Variants in FARP1 observed in about 807,000 individuals in gnomAD.
The protein encoded by FARP1 is FERM, ARH/RhoGEF and pleckstrin domain protein 1.
Under a neutral mutation model 128.8 loss-of-function variants are expected in FARP1, and 52 were observed. The ratio of observed to expected loss-of-function variants is 0.40; its 90% CI spans 0.32 to 0.51. FARP1 has a LOEUF of 0.51. FARP1 is among the 20% of genes least tolerant of loss of function. The pLI is 0.45. For synonymous variants in FARP1, 580 were observed against 551.8 expected, an observed-to-expected ratio of 1.05 and a Z score of -0.72; for missense variants, 1,333 against 1,367.9, an observed-to-expected ratio of 0.97 and a Z score of 0.40.
At chr13:98,274,565 A>G (rs191440782) in intron 2 of FARP1, among the ~76,000 whole-genome samples, 16 of 152,312 alleles carry the variant, frequency 1.1e-4, no homozygotes, top group East Asian at 5.8e-4. Flanking sequence ...GCTTTTAGGC[A>G]AACTCCTCCC....
At chr13:98,438,583 G>C (rs4772079) in intron 19 of FARP1, among the ~76,000 whole-genome samples, 46,548 of 152,060 alleles carry the variant, frequency 0.31, 8,265 homozygotes, top group East Asian at 0.43. Context: ...GCAGAGCAAT[G>C]GTGCAGTGAA....
chr13:98,249,984 T>C lies in FARP1; in HGVS notation c.171+36571T>C, dbSNP rs1340495403. Among the ~76,000 whole-genome samples the C allele has an allele frequency of 2.6e-5, 4 of 152,196 alleles. No homozygotes were observed. In the South Asian group the frequency reaches 8.3e-4, roughly 32 times the overall value. On this transcript the variant is annotated intron_variant, in intron 2 of 26. Transcript: ENST00000319562. ...TTGACCTGTTTTGAAAACCTAATTT[T>C]TAAGTTTTCAATCTTTTAAGCCTTG...
chr13:98,354,626 AT>A (rs971855514), intron 3 of FARP1, among the ~76,000 whole-genome samples: 1 of 152,194 alleles, frequency 6.6e-6, no homozygotes, highest in African/African-American at 2.4e-5. Flanking sequence ...ATATACACTA[AT>A]TTTTTTGACA....
intron 3 of FARP1, among the ~76,000 whole-genome samples, chr13:98,348,370 A>ACC (rs1888266698): frequency 6.6e-6 from 1 of 152,184 alleles, no homozygotes; most frequent in Non-Finnish European, 1.5e-5. Flanking sequence ...GGGAATCAAG[A>ACC]CCCCGTGCTT....
intron 16 of FARP1, among the ~76,000 whole-genome samples, chr13:98,423,282 A>G (rs1891657654): frequency 6.6e-6 from 1 of 152,212 alleles, no homozygotes; most frequent in Non-Finnish European, 1.5e-5. Context: ...CCTTCAATCC[A>G]ATCAAGTTGA....
chr13:98,210,035 T>TA (rs372991520), intron 1 of FARP1, among the ~76,000 whole-genome samples: 7 of 150,782 alleles, frequency 4.6e-5, no homozygotes, highest in African/African-American at 1.5e-4. Flanking sequence ...TAATAAAAAA[T>TA]AAAAAAAACT....
intron 15 of FARP1, 120 bp from the exon 16 acceptor site, chr13:98,411,781 A>T: frequency 9.4e-7 from 1 of 1,065,688 alleles, no homozygotes; most frequent in East Asian, 2.4e-5. Context: ...AATGCCAAGA[A>T]CCTCGCAGGA....
chr13:98,245,182 C>T, intron 2 of FARP1: 1 of 990,656 alleles, frequency 1.0e-6, no homozygotes. Context: ...AGGAGTACCT[C>T]ATTTACCATA....
intron 6 of FARP1, among the ~76,000 whole-genome samples, chr13:98,379,091 A>G (rs1220415260): frequency 1.1e-5 from 1 of 92,830 alleles, no homozygotes; most frequent in Non-Finnish European, 2.0e-5. Flanking sequence ...TAATCTATAT[A>G]TAATATATAT....
intron 2 of FARP1, among the ~76,000 whole-genome samples, chr13:98,259,131 A>T (rs1029869484): frequency 1.3e-5 from 2 of 152,136 alleles, no homozygotes; most frequent in African/African-American, 2.4e-5. Context: ...GGATTGCTCG[A>T]GCCTGGGAGG....
rs185049513 is a variant in FARP1 at position 98,214,558 on chromosome 13, A to G, written c.171+1145A>G. Among the ~76,000 whole-genome samples the G allele has an allele frequency of 3.9e-5, 6 of 152,306 alleles. No individual in the cohort carries two copies. In the East Asian group the frequency reaches 7.7e-4, roughly 20 times the overall value. Reference sequence around the variant, plus strand: ...TCGGCATTAACGTTGGTAACCCATCATTTAATCACTTATGGGATATGAGTC... The same window carrying G: ...TCGGCATTAACGTTGGTAACCCATCGTTTAATCACTTATGGGATATGAGTC... On this transcript the variant is annotated intron_variant, in intron 2 of 26. Transcript: ENST00000319562.
chr13:98,440,279 A>G, intron 23 of FARP1, 44 bp downstream of exon 23: 3 of 1,398,320 alleles, frequency 2.1e-6, no homozygotes, highest in Non-Finnish European at 3.0e-6. Flanking sequence ...GGTCTGGTTC[A>G]TGGAGGGACA....
At chr13:98,144,030 GTC>G (rs1485576221) in intron 1 of FARP1, among the ~76,000 whole-genome samples, 1 of 152,142 alleles carries the variant, frequency 6.6e-6, no homozygotes, top group Non-Finnish European at 1.5e-5. Context: ...TTAGATTTGT[GTC>G]TCTCTTTACT....
At chr13:98,242,252 G>A (rs1165183730) in intron 2 of FARP1, among the ~76,000 whole-genome samples, 1 of 152,174 alleles carries the variant, frequency 6.6e-6, no homozygotes, top group Non-Finnish European at 1.5e-5. Flanking sequence ...AGGCCGTAGG[G>A]ACCGTTAGTG....
chr13:98,273,516 C>T (rs1184116312), intron 2 of FARP1, among the ~76,000 whole-genome samples: 2 of 152,170 alleles, frequency 1.3e-5, no homozygotes, highest in African/African-American at 2.4e-5. Flanking sequence ...TCTGAGGTCC[C>T]GTTAGCCAAG....
At chr13:98,311,383 C>G (rs1566862741) in intron 2 of FARP1, among the ~76,000 whole-genome samples, 2 of 152,198 alleles carry the variant, frequency 1.3e-5, no homozygotes, top group Non-Finnish European at 2.9e-5. Flanking sequence ...ACTAGCAGGT[C>G]TGTGTGTGAC....
At chr13:98,366,512 G>C (rs553775358) in intron 4 of FARP1, among the ~76,000 whole-genome samples, 8 of 152,216 alleles carry the variant, frequency 5.3e-5, no homozygotes, top group Admixed American at 2.0e-4. Flanking sequence ...TTTGTCCCCC[G>C]CATGAAGGGA....
chr13:98,439,442 G>C (rs1566321720), intron 21 of FARP1, among the ~76,000 whole-genome samples: 4 of 152,054 alleles, frequency 2.6e-5, no homozygotes. Flanking sequence ...CCTGCACATG[G>C]GATGTGCAGG....
intron 13 of FARP1, chr13:98,400,275 A>G (rs1283465053): frequency 2.0e-5 from 3 of 152,234 alleles, no homozygotes; most frequent in African/African-American, 7.2e-5. Context: ...CAGAAACTCA[A>G]CTTTGGTTAT....
Sources: gnomAD v4.1 joint callset for allele counts (sites outside exome capture counted in the v4.1 genomes callset) on GRCh38, gnomAD v4.1.1 for gene constraint, MANE v1.5 for transcripts, NCBI Gene and HGNC (gene_info 2026-07-23, HGNC 2026-07-21) for gene names.